Variants in UBE2E1 observed in about 807,000 individuals in gnomAD.
The protein encoded by UBE2E1 is ubiquitin conjugating enzyme E2 E1.
In UBE2E1, 6 loss-of-function variants were observed where a neutral mutation model predicts 21.4. The ratio of observed to expected loss-of-function variants is 0.28; its 90% confidence interval spans 0.15 to 0.55. The LOEUF (loss-of-function observed/expected upper bound fraction) is 0.55. Among genes scored for constraint, UBE2E1 ranks in the 20% least tolerant of loss-of-function variants. The pLI, the probability that UBE2E1 is intolerant of heterozygous loss-of-function variation, is 0.93. For synonymous variants in UBE2E1, 87 were observed against 82.7 expected, an observed-to-expected ratio of 1.05 and a Z score of -0.28; for missense variants, 142 against 236.5, an observed-to-expected ratio of 0.60 and a Z score of 2.62.
rs1253308744 is a variant in UBE2E1 at position 23,807,278 on chromosome 3, T to A, written c.9T>A (p.Asp3Glu). Residue 3 changes from aspartate to glutamate, a missense_variant, in exon 2 of 6, where the codon GAT becomes GAA. Asp to Glu is a conservative substitution (Grantham distance 45). Transcript: ENST00000306627. The part of the protein sequence containing the change: MS[D>E]DDSRASTSSS... Reference sequence around the variant, plus strand: ...GGGGTGGGGGGTTCGCTATGTCGGATGACGATTCGAGGGCCAGCACCAGCT... The same window carrying A: ...GGGGTGGGGGGTTCGCTATGTCGGAAGACGATTCGAGGGCCAGCACCAGCT... 6.2e-7 allele frequency: 1 copy of A among 1,612,498 alleles called. No individual in the cohort carries two copies. The highest frequency in any genetic ancestry group is 8.5e-7 in the Non-Finnish European group (1 of 1,179,550).
intron 3 of UBE2E1, among the ~76,000 whole-genome samples, chr3:23,871,090 C>CA (rs1309943118): frequency 6.6e-6 from 1 of 151,872 alleles, no homozygotes; most frequent in Non-Finnish European, 1.5e-5. Flanking sequence ...TCTACACAGA[C>CA]ACGGCAACCA....
chr3:23,888,968 A>AT (rs1243923556), intron 4 of UBE2E1, 144 bp from the exon 5 acceptor site: 1 of 810,140 alleles, frequency 1.2e-6, no homozygotes, highest in Non-Finnish European at 1.8e-6. Context: ...ATCAATGAAC[A>AT]CTTTCTAATC....
At chr3:23,855,083 G>A (rs561743588) in intron 3 of UBE2E1, among the ~76,000 whole-genome samples, 2 of 152,224 alleles carry the variant, frequency 1.3e-5, no homozygotes, top group South Asian at 2.1e-4. Context: ...CTCATTTCAG[G>A]GATGTGTTTA....
chr3:23,810,750 C>G lies in UBE2E1; in HGVS notation c.153-710C>G. ...GCAGCCCCCGTGCGGGCACCCTGTT[C>G]CCCTCCCCCGCCCGCAACTTCACCG... On this transcript the variant is annotated intron_variant, in intron 2 of 5. Transcript: ENST00000306627. This position sits in a 1 kb window ranked among gnomAD's most constrained non-coding sequence, Gnocchi z 5.8. 1 of 299,650 alleles carries G rather than the reference C, an allele frequency of 3.3e-6. No individual in the cohort carries two copies. The highest frequency in any genetic ancestry group is 2.2e-5 in the African/African-American group (1 of 45,494). 18.6% of individuals were successfully genotyped at this position (299,650 alleles called of 1,614,324 possible).
rs999649593 is a variant in UBE2E1 at position 23,891,582 on chromosome 3, G to A, written c.*976G>A. ...TTTCTGACTTGCAGATGCTGTAGTA[G>A]CAAGTACATGAGAAATGGGTTCCGT... is the stretch of plus-strand genomic sequence containing the variant. On this transcript the variant is annotated 3_prime_UTR_variant, in exon 6 of 6. Transcript: ENST00000306627. 1 of 152,158 alleles carries A rather than the reference G, an allele frequency of 6.6e-6. No homozygotes were observed. The highest frequency in any genetic ancestry group is 3.2e-3 in the Middle Eastern group (1 of 316). The allele number at this position is 152,158 out of a possible 1,614,324, so 9.4% of individuals were successfully genotyped here.
intron 3 of UBE2E1, among the ~76,000 whole-genome samples, chr3:23,850,758 T>C (rs1372409728): frequency 6.7e-6 from 1 of 149,440 alleles, no homozygotes; most frequent in Non-Finnish European, 1.5e-5. Flanking sequence ...CATGGCTGTC[T>C]GCAGCCTCAG....
intron 3 of UBE2E1, among the ~76,000 whole-genome samples, chr3:23,817,421 C>CAAAAAAAAAAA (rs369690021): frequency 1.4e-4 from 6 of 42,314 alleles, no homozygotes; most frequent in Admixed American, 7.4e-4. Flanking sequence ...GACTCTGTCT[C>CAAAAAAAAAAA]AAAAAAAAAA....
In UBE2E1 at chr3:23,806,123, GGCCGCGCCGC is replaced by G. The variant is rs1359615229; in HGVS notation, c.-34+36_-34+45del. 1 of 147,058 alleles carries G rather than the reference GGCCGCGCCGC, an allele frequency of 6.8e-6. No individual in the cohort carries two copies. Among genetic ancestry groups the G allele is most frequent in the Admixed American group, 6.7e-5 (1 of 14,834 alleles). The allele number at this position is 147,058 out of a possible 1,614,324, so 9.1% of individuals were successfully genotyped here. On this transcript the variant is annotated intron_variant, in intron 1 of 5. Coordinates refer to ENST00000306627, the MANE Select transcript of UBE2E1 (RefSeq NM_003341.5). This position sits in a 1 kb window ranked among gnomAD's most constrained non-coding sequence, Gnocchi z 6.5. ...TCCCCCCAGCGGCCCGCCGCCCCCC[GGCCGCGCCGC>G]CGGGCCTCGGGGACACCCCTCGCCG...
intron 3 of UBE2E1, among the ~76,000 whole-genome samples, chr3:23,856,555 G>A (rs1700441672): frequency 6.6e-6 from 1 of 152,052 alleles, no homozygotes; most frequent in South Asian, 2.1e-4. Context: ...GATTTGTATC[G>A]GATTGTGACT....
In UBE2E1 at chr3:23,810,021, C is replaced by T. The variant is rs959344205; in HGVS notation, c.153-1439C>T. Among the ~76,000 whole-genome samples, 3 of 152,210 alleles carry T rather than the reference C, an allele frequency of 2.0e-5. No homozygotes were observed. The highest frequency in any genetic ancestry group is 2.4e-5 in the African/African-American group (1 of 41,442). ...TCCTCCAGTAGGAAGGTTTATAGAACCTCCCCCAGTCGTCGTCCTTAAAAC... is the reference window on the plus strand; with the variant it reads ...TCCTCCAGTAGGAAGGTTTATAGAATCTCCCCCAGTCGTCGTCCTTAAAAC... On this transcript the variant is annotated intron_variant, in intron 2 of 5. Coordinates refer to ENST00000306627, the MANE Select transcript of UBE2E1 (RefSeq NM_003341.5). This position sits in a 1 kb window ranked among gnomAD's most constrained non-coding sequence, Gnocchi z 5.8.
rs553402757 is a variant in UBE2E1, at chr3:23,891,304, C to T, written c.*698C>T. The T allele has an allele frequency of 6.6e-6, 1 of 152,234 alleles. No individual in the cohort carries two copies. Among genetic ancestry groups the T allele is most frequent in the South Asian group, 2.1e-4 (1 of 4,828 alleles). 9.4% of individuals were successfully genotyped at this position (152,234 alleles called of 1,614,324 possible). On this transcript the variant is annotated 3_prime_UTR_variant, in exon 6 of 6. Coordinates refer to ENST00000306627, the MANE Select transcript of UBE2E1 (RefSeq NM_003341.5). ...TGTGCTAATAAACAATATTAAAAAC[C>T]ACCTAATAAACACTGCTGTGTTCAT...
intron 5 of UBE2E1, chr3:23,889,549 A>G (rs1701298581): frequency 7.2e-7 from 1 of 1,383,796 alleles, no homozygotes; most frequent in Non-Finnish European, 9.3e-7. Flanking sequence ...CTGTTGCTTA[A>G]TTTCCCATAG....
intron 3 of UBE2E1, among the ~76,000 whole-genome samples, chr3:23,849,976 A>G (rs767321083): frequency 6.6e-6 from 1 of 152,218 alleles, no homozygotes; most frequent in Non-Finnish European, 1.5e-5. Context: ...TTTTTAAAAA[A>G]TGACATTCAG....
intron 3 of UBE2E1, among the ~76,000 whole-genome samples, chr3:23,833,012 C>T (rs560281381): frequency 1.4e-4 from 22 of 152,002 alleles, no homozygotes; most frequent in South Asian, 8.3e-4. Flanking sequence ...CCAGCCTGGG[C>T]GACAAAGTGA....
chr3:23,887,765 C>T lies in UBE2E1; in HGVS notation c.336+66C>T. 1 of 1,534,886 alleles carries T rather than the reference C, an allele frequency of 6.5e-7. No individual in the cohort carries two copies. The highest frequency in any genetic ancestry group is 1.3e-5 in the South Asian group (1 of 78,116). Reference sequence around the variant, plus strand: ...CAAGAGAGCAACTGTTGAGGTTTTTCTAAATTTAATTTTTAATCACAGAAA... The same window carrying T: ...CAAGAGAGCAACTGTTGAGGTTTTTTTAAATTTAATTTTTAATCACAGAAA... On this transcript the variant is annotated intron_variant, in intron 4 of 5. Transcript: ENST00000306627. This position sits in a 1 kb window ranked among gnomAD's most constrained non-coding sequence, Gnocchi z 4.4.
chr3:23,888,940 C>T (rs1284475379), intron 4 of UBE2E1, among the ~76,000 whole-genome samples, 172 bp from the exon 5 acceptor site: 1 of 152,204 alleles, frequency 6.6e-6, no homozygotes, highest in African/African-American at 2.4e-5. Context: ...ATGAAATTGA[C>T]ACAGTCCCTG....
chr3:23,813,086 CTT>C (rs757715841), intron 3 of UBE2E1, among the ~76,000 whole-genome samples: 1 of 151,882 alleles, frequency 6.6e-6, no homozygotes, highest in African/African-American at 2.4e-5. Flanking sequence ...GCATGTGGAA[CTT>C]TTTTATCTTT....
rs1416542363 is a variant in UBE2E1 at position 23,806,414 on chromosome 3, G to C, written c.-34+326G>C. ...CCGGGAGCGGGGGTGGGAGGGAGTT[G>C]GGGGAGCCCCGTTTTCCCCAGGGGC... On this transcript the variant is annotated intron_variant, in intron 1 of 5. Coordinates refer to ENST00000306627, the MANE Select transcript of UBE2E1 (RefSeq NM_003341.5). The surrounding 1 kb of genome is among the most constrained non-coding windows in gnomAD (Gnocchi z 6.5). 6.6e-6 allele frequency among the ~76,000 whole-genome samples: 1 copy of C among 151,814 alleles called. No homozygotes were observed. Among genetic ancestry groups the C allele is most frequent in the Non-Finnish European group, 1.5e-5 (1 of 67,820 alleles).
At chr3:23,878,351 G>A (rs774518114) in intron 3 of UBE2E1, among the ~76,000 whole-genome samples, 4 of 152,204 alleles carry the variant, frequency 2.6e-5, no homozygotes, top group East Asian at 1.9e-4. Flanking sequence ...AAAAGGTAGC[G>A]ATAGTCATCA....
Sources: allele counts gnomAD v4.1 joint callset (sites outside exome capture counted in the v4.1 genomes callset), GRCh38; gene constraint gnomAD v4.1.1; non-coding constraint Gnocchi (gnomAD v3.1); transcripts MANE v1.5; gene names NCBI Gene and HGNC (gene_info 2026-07-23, HGNC 2026-07-21).